Variants in KCNAB1 observed in about 807,000 individuals in gnomAD.
KCNAB1 encodes potassium voltage-gated channel subfamily A regulatory beta subunit 1.
A neutral mutation model predicts 64.6 loss-of-function variants in KCNAB1; 35 were observed. The observed-to-expected ratio is 0.54, with a 90% CI of 0.41 to 0.72. The LOEUF is 0.72. Ranked by LOEUF, KCNAB1 falls within the 30% of genes least tolerant of loss-of-function variation. The probability of loss-of-function intolerance (pLI) is 0.00; values close to 1 mark genes in which losing one functional copy is unlikely to be tolerated. For missense variants in KCNAB1, 401 were observed against 512.9 expected, an observed-to-expected ratio of 0.78 and a Z score of 2.11; for synonymous variants, 177 against 183.8, an observed-to-expected ratio of 0.96 and a Z score of 0.30.
chr3:156,490,608 A>C (rs928554312), intron 8 of KCNAB1, among the ~76,000 whole-genome samples: 1 of 152,168 alleles, frequency 6.6e-6, no homozygotes, highest in African/African-American at 2.4e-5. Context: ...TTTTAAAGTC[A>C]ATTAGAATGC....
intron 2 of KCNAB1, among the ~76,000 whole-genome samples, chr3:156,431,403 G>GA (rs145990679): frequency 0.035 from 5,304 of 152,252 alleles, 146 homozygotes; most frequent in African/African-American, 0.078. Flanking sequence ...AAAAAATAGA[G>GA]AATCATTTGA....
At chr3:156,426,138 G>C (rs1214588146) in intron 2 of KCNAB1, among the ~76,000 whole-genome samples, 1 of 152,110 alleles carries the variant, frequency 6.6e-6, no homozygotes, top group Non-Finnish European at 1.5e-5. Flanking sequence ...TTTAGCTCTT[G>C]TCTTCTATGT....
intron 1 of KCNAB1, among the ~76,000 whole-genome samples, chr3:156,156,365 G>A (rs1715720459): frequency 6.6e-6 from 1 of 152,176 alleles, no homozygotes; most frequent in African/African-American, 2.4e-5. Context: ...CTGATCAAGG[G>A]TGTGACATGA....
At chr3:156,123,433 T>TA (rs1456763671) in intron 1 of KCNAB1, among the ~76,000 whole-genome samples, 1 of 152,210 alleles carries the variant, frequency 6.6e-6, no homozygotes, top group African/African-American at 2.4e-5. Context: ...TATTCTATGG[T>TA]AATTTATATT....
At chr3:156,272,036 T>G (rs969721678) in intron 1 of KCNAB1, among the ~76,000 whole-genome samples, 1 of 152,256 alleles carries the variant, frequency 6.6e-6, no homozygotes, top group Non-Finnish European at 1.5e-5. Flanking sequence ...TTGTTCTCTT[T>G]CCTTACTTTC....
At chr3:156,469,248 C>CTTTTT (rs34567814) in intron 7 of KCNAB1, among the ~76,000 whole-genome samples, 196 of 72,972 alleles carry the variant, frequency 2.7e-3, no homozygotes, top group South Asian at 4.1e-3. Context: ...TTCTTTCTTT[C>CTTTTT]TTTTTTTTTT....
rs188735510 is a variant in KCNAB1, at chr3:156,276,165, G to A, written c.276-145451G>A. On this transcript the variant is annotated intron_variant, in intron 1 of 13. Coordinates refer to ENST00000490337, the MANE Select transcript of KCNAB1 (RefSeq NM_172160.3). Reference sequence around the variant, plus strand: ...AATCCCCTTGTACATTTCTATCAGAGCTCTTGGGTGACCAGGTGCATTGTC... The same window carrying A: ...AATCCCCTTGTACATTTCTATCAGAACTCTTGGGTGACCAGGTGCATTGTC... 1.6e-4 allele frequency among the ~76,000 whole-genome samples: 25 copies of A among 152,246 alleles called. No individual in the cohort carries two copies. The East Asian group carries it at 4.8e-3, about 29-fold the overall frequency.
chr3:156,495,604 T>C (rs574884110), intron 8 of KCNAB1, among the ~76,000 whole-genome samples: 2 of 152,320 alleles, frequency 1.3e-5, no homozygotes, highest in Admixed American at 1.3e-4. Flanking sequence ...AGAGCCAGAC[T>C]GCCTGCTATC....
At chr3:156,234,170 G>A (rs947197946) in intron 1 of KCNAB1, among the ~76,000 whole-genome samples, 2 of 152,064 alleles carry the variant, frequency 1.3e-5, no homozygotes, top group African/African-American at 4.8e-5. Context: ...GGAGGCACCA[G>A]CATTGAACAG....
At chr3:156,329,796 G>C (rs932418127) in intron 1 of KCNAB1, among the ~76,000 whole-genome samples, 1 of 152,166 alleles carries the variant, frequency 6.6e-6, no homozygotes, top group South Asian at 2.1e-4. Context: ...TAGCAAATGT[G>C]GGTGTAGACA....
At chr3:156,290,790 C>T (rs1261143079) in intron 1 of KCNAB1, among the ~76,000 whole-genome samples, 1 of 152,200 alleles carries the variant, frequency 6.6e-6, no homozygotes, top group Non-Finnish European at 1.5e-5. Context: ...CCATCCCAGT[C>T]CCTCCTCTGG....
chr3:156,310,961 G>A (rs1452442441), intron 1 of KCNAB1, among the ~76,000 whole-genome samples: 1 of 152,166 alleles, frequency 6.6e-6, no homozygotes, highest in African/African-American at 2.4e-5. Context: ...ACTCTCCATG[G>A]GCAGAGCAGA....
rs1719233445 is a variant in KCNAB1 at position 156,538,578 on chromosome 3, A to AT, written c.*1832dup. Reference sequence around the variant, plus strand: ...TTGATTGATTTATTTGCTTAGAGTAATAAAAGCATTTTGTGCATTCAATCT... The same window carrying AT: ...TTGATTGATTTATTTGCTTAGAGTAATTAAAAGCATTTTGTGCATTCAATCT... On this transcript the variant is annotated 3_prime_UTR_variant, in exon 14 of 14. Transcript: ENST00000490337. The AT allele has an allele frequency of 6.6e-6, 1 of 152,264 alleles. No individual in the cohort carries two copies. The highest frequency in any genetic ancestry group is 1.5e-5 in the Non-Finnish European group (1 of 68,048). The allele number at this position is 152,264 out of a possible 1,614,324, so 9.4% of individuals were successfully genotyped here.
chr3:156,197,847 C>T (rs1166799192), intron 1 of KCNAB1, among the ~76,000 whole-genome samples: 1 of 151,686 alleles, frequency 6.6e-6, no homozygotes, highest in African/African-American at 2.4e-5. Flanking sequence ...TTTGAATTCT[C>T]TCTTGCTTTT....
chr3:156,414,183 A>AT (rs1201118438), intron 1 of KCNAB1, among the ~76,000 whole-genome samples: 2 of 152,100 alleles, frequency 1.3e-5, no homozygotes, highest in Admixed American at 6.6e-5. Flanking sequence ...CCTACCTCAG[A>AT]TTTTTTTTGT....
At position 156,128,962 on chromosome 3, in the gene KCNAB1, A is replaced by G. The variant is rs116224224; in HGVS notation, c.275+8076A>G. 2.5e-3 allele frequency among the ~76,000 whole-genome samples: 377 copies of G among 152,352 alleles called. 1 individual carries two copies. Among genetic ancestry groups the G allele is most frequent in the African/African-American group, 8.3e-3 (347 of 41,582 alleles). ...AATTGAGATCTGACAAAAATCCTCA[A>G]GGTGATACACAAAGGACTATTTCTT... is the stretch of plus-strand genomic sequence containing the variant. On this transcript the variant is annotated intron_variant, in intron 1 of 13. Transcript: ENST00000490337.
At position 156,491,698 on chromosome 3, in the gene KCNAB1, T is replaced by A. The variant is rs1371483352; in HGVS notation, c.658+16878T>A. On this transcript the variant is annotated intron_variant, in intron 8 of 13. Transcript: ENST00000490337. Reference sequence around the variant, plus strand: ...TTTATGCCTATATTCATAAAAAAAATTAGCCTGTAATTTATTTTCTTATAT... The same window carrying A: ...TTTATGCCTATATTCATAAAAAAAAATAGCCTGTAATTTATTTTCTTATAT... Among the ~76,000 whole-genome samples, 4 of 152,230 alleles carry A rather than the reference T, an allele frequency of 2.6e-5. No homozygotes were observed. The South Asian group carries it at 6.2e-4, about 24-fold the overall frequency.
chr3:156,183,365 G>A (rs1038949729), intron 1 of KCNAB1, among the ~76,000 whole-genome samples: 3 of 152,158 alleles, frequency 2.0e-5, no homozygotes, highest in Admixed American at 6.5e-5. Flanking sequence ...CACGGGATTC[G>A]GTACAGTGGT....
At chr3:156,230,240 C>A (rs1716439792) in intron 1 of KCNAB1, among the ~76,000 whole-genome samples, 1 of 152,186 alleles carries the variant, frequency 6.6e-6, no homozygotes, top group Non-Finnish European at 1.5e-5. Flanking sequence ...CATATATGAT[C>A]ATGGTCTCAT....
Sources: gnomAD v4.1 joint callset for allele counts (sites outside exome capture counted in the v4.1 genomes callset) on GRCh38, gnomAD v4.1.1 for gene constraint, MANE v1.5 for transcripts, NCBI Gene and HGNC (gene_info 2026-07-23, HGNC 2026-07-21) for gene names.